The following MBD5 variants were observed in gnomAD, a reference collection of about 807,000 sequenced individuals.
The protein encoded by MBD5 is methyl-CpG-binding domain protein 5.
MBD5 carries 13 observed loss-of-function variants against 117.3 expected under a neutral mutation model. The ratio of observed to expected loss-of-function variants is 0.11; its 90% confidence interval spans 0.07 to 0.18. The LOEUF (loss-of-function observed/expected upper bound fraction) is 0.18, where lower values mean the gene tolerates loss of function less well. MBD5 is among the 10% of genes least tolerant of loss of function. The probability of loss-of-function intolerance (pLI) is 1.00; values close to 1 mark genes in which losing one functional copy is unlikely to be tolerated. For synonymous variants in MBD5, 727 were observed against 766.4 expected (o/e 0.95, Z 0.85); for missense variants, 1,879 against 2,093.8 (o/e 0.90, Z 2.00).
chr2:148,366,848 C>T (rs953607996), intron 4 of MBD5, among the ~76,000 whole-genome samples: 22 of 152,300 alleles, frequency 1.4e-4, no homozygotes, highest in African/African-American at 5.1e-4. Flanking sequence ...AAATGGAAAA[C>T]ATTCCATGCT....
chr2:148,176,322 T>C (rs1006858630), intron 1 of MBD5, among the ~76,000 whole-genome samples: 140 of 138,824 alleles, frequency 1.0e-3, no homozygotes, highest in Non-Finnish European at 1.7e-3. Context: ...TTTTTTTTTT[T>C]CAGAAAAAAA....
chr2:148,110,581 T>C (rs905429063), intron 1 of MBD5, among the ~76,000 whole-genome samples: 31 of 152,146 alleles, frequency 2.0e-4, no homozygotes, highest in Non-Finnish European at 4.1e-4. Context: ...TTCTTTTTTC[T>C]ATTTTCATCC....
intron 3 of MBD5, among the ~76,000 whole-genome samples, chr2:148,265,363 A>G (rs1416564680): frequency 6.6e-6 from 1 of 152,212 alleles, no homozygotes. Context: ...GGATGATAGT[A>G]CATATTATAG....
chr2:148,170,044 CCCA>C (rs1698226877), intron 1 of MBD5, among the ~76,000 whole-genome samples: 1 of 151,882 alleles, frequency 6.6e-6, no homozygotes, highest in Non-Finnish European at 1.5e-5. Context: ...ACTACAGGCG[CCCA>C]CCAACACACC....
chr2:148,493,608 C>T (rs1681597294), intron 11 of MBD5, among the ~76,000 whole-genome samples: 1 of 152,156 alleles, frequency 6.6e-6, no homozygotes, highest in Admixed American at 6.5e-5. Context: ...CTGATAATTG[C>T]CAAGGGCTGA....
chr2:148,126,733 T>G (rs1165975856), intron 1 of MBD5, among the ~76,000 whole-genome samples: 1 of 152,038 alleles, frequency 6.6e-6, no homozygotes, highest in Non-Finnish European at 1.5e-5. Flanking sequence ...GGCTCTTTAT[T>G]CTTAAAAAGC....
chr2:148,260,017 G>T (rs1175944466), intron 3 of MBD5, among the ~76,000 whole-genome samples: 2 of 152,204 alleles, frequency 1.3e-5, no homozygotes, highest in African/African-American at 4.8e-5. Flanking sequence ...GACATCTGCT[G>T]ACTGGTCAGG....
At chr2:148,023,940 A>G (rs1558891093) in intron 1 of MBD5, among the ~76,000 whole-genome samples, 2 of 152,100 alleles carry the variant, frequency 1.3e-5, no homozygotes, top group Non-Finnish European at 2.9e-5. Context: ...ACTGGGTGGT[A>G]TCTTGGAGGT....
intron 1 of MBD5, among the ~76,000 whole-genome samples, chr2:148,069,023 C>T (rs1695283015): frequency 1.3e-5 from 2 of 152,232 alleles, no homozygotes; most frequent in Admixed American, 6.5e-5. Context: ...AGGATTCATT[C>T]ATTTAAATTT....
At chr2:148,254,335 T>C (rs1700533042) in intron 3 of MBD5, among the ~76,000 whole-genome samples, 1 of 152,276 alleles carries the variant, frequency 6.6e-6, no homozygotes, top group South Asian at 2.1e-4. Flanking sequence ...CCATTTAGTT[T>C]TGCAACACCA....
intron 4 of MBD5, among the ~76,000 whole-genome samples, chr2:148,381,655 A>G (rs1215780790): frequency 3.9e-5 from 6 of 152,138 alleles, no homozygotes; most frequent in Admixed American, 2.0e-4. Context: ...ACACATAATT[A>G]TCAGATTTAC....
intron 11 of MBD5, among the ~76,000 whole-genome samples, chr2:148,500,382 C>G (rs1362742807): frequency 1.3e-5 from 2 of 151,890 alleles, no homozygotes; most frequent in Non-Finnish European, 1.5e-5. Flanking sequence ...ACTTTGGAGT[C>G]AGACCTGAGT....
At chr2:148,366,628 G>T (rs1309606040) in intron 4 of MBD5, among the ~76,000 whole-genome samples, 1 of 152,174 alleles carries the variant, frequency 6.6e-6, no homozygotes, top group Non-Finnish European at 1.5e-5. Context: ...CTTCAGCAAA[G>T]TCTCAGGATA....
At chr2:148,051,729 TTATGA>T (rs1447316103) in intron 1 of MBD5, among the ~76,000 whole-genome samples, 1 of 151,982 alleles carries the variant, frequency 6.6e-6, no homozygotes, top group Non-Finnish European at 1.5e-5. Context: ...ATAATCACAA[TTATGA>T]TATAATAATT....
At chr2:148,457,345 T>C (rs141967322) in intron 4 of MBD5, among the ~76,000 whole-genome samples, 187 of 152,260 alleles carry the variant, frequency 1.2e-3, no homozygotes, top group African/African-American at 3.9e-3. Context: ...AATGTAACTA[T>C]ATACAGTATA....
intron 13 of MBD5, among the ~76,000 whole-genome samples, chr2:148,511,764 A>G (rs1682221561): frequency 1.3e-5 from 2 of 152,260 alleles, no homozygotes; most frequent in South Asian, 4.1e-4. Flanking sequence ...AAAAATGTGT[A>G]TGGAGAAGAT....
intron 3 of MBD5, among the ~76,000 whole-genome samples, chr2:148,262,002 ATGTGT>A (rs1321900344): frequency 5.3e-5 from 8 of 152,198 alleles, no homozygotes; most frequent in African/African-American, 1.9e-4. Flanking sequence ...TTATATGGAC[ATGTGT>A]TGTGGCACCC....
In MBD5 at chr2:148,483,523, G is replaced by T. The variant is rs1235611917; in HGVS notation, c.2932G>T (p.Gly978Trp). The part of the protein sequence containing the change: ...ALAFLSSDMD[G>W]QVLQPVHFQL... Reference sequence around the variant, plus strand: ...AGCTTTTCTCTCCAGTGACATGGATGGGCAGGTATTGCAGCCTGTTCACTT... The same window carrying T: ...AGCTTTTCTCTCCAGTGACATGGATTGGCAGGTATTGCAGCCTGTTCACTT... Residue 978 changes from glycine (G) to tryptophan (W), a missense_variant, in exon 9 of 14, where the codon GGG becomes TGG. Coordinates refer to ENST00000642680, the MANE Select transcript of MBD5 (RefSeq NM_001378120.1). 1.2e-6 allele frequency: 2 copies of T among 1,608,250 alleles called. No individual in the cohort carries two copies. Among genetic ancestry groups the T allele is most frequent in the Admixed American group, 3.4e-5 (2 of 58,724 alleles).
chr2:148,137,372 T>A (rs1697194736), intron 1 of MBD5, among the ~76,000 whole-genome samples: 1 of 152,206 alleles, frequency 6.6e-6, no homozygotes, highest in Admixed American at 6.5e-5. Flanking sequence ...TCTGCTGCTG[T>A]CTATACTATC....
Sources: allele counts gnomAD v4.1 joint callset (sites outside exome capture counted in the v4.1 genomes callset), GRCh38; gene constraint gnomAD v4.1.1; transcripts MANE v1.5; gene names NCBI Gene and HGNC (gene_info 2026-07-23, HGNC 2026-07-21).